FAM120AOS: variants seen among roughly 807,000 people sequenced by gnomAD.
The protein encoded by FAM120AOS is family with sequence similarity 120 member A opposite strand.
Under a neutral mutation model 20.2 loss-of-function variants are expected in FAM120AOS, and 15 were observed. The observed-to-expected ratio is 0.74, with a 90% CI of 0.50 to 1.15. The LOEUF is 1.15. Ranked by LOEUF, FAM120AOS falls within the 50% of genes most tolerant of loss-of-function variation. The probability of loss-of-function intolerance (pLI) is 0.00; values close to 1 mark genes in which losing one functional copy is unlikely to be tolerated. For missense variants in FAM120AOS, 327 were observed against 351.9 expected (o/e 0.93, Z 0.57); for synonymous variants, 154 against 154.0 (o/e 1.00, Z 0.00).
intron 2 of FAM120AOS, 51 bp from the exon 3 acceptor site, chr9:93,447,748 T>C: frequency 1.3e-6 from 2 of 1,510,052 alleles, no homozygotes; most frequent in Non-Finnish European, 9.2e-7. Context: ...GAATATGAAA[T>C]GTATTTTGTC....
At position 93,452,651 on chromosome 9, in the gene FAM120AOS, C is replaced by G; in HGVS notation, c.59G>C (p.Gly20Ala). The stretch of plus-strand genomic sequence containing the variant: ...GACACTTGAGGGCTGGGAGAGAGCC[C>G]CGGACCAGAATTCGGAGGCGACAGT... ...DDTVASEFWS[G>A]ALSQPSSVPT... Residue 20 changes from glycine to alanine, a missense_variant, in exon 1 of 3, where the codon GGG becomes GCG. Around this residue, in one of 3 missense-constraint regions of FAM120AOS, gnomAD observed 155 missense variants for 128.8 expected, o/e 1.20. Transcript: ENST00000375412. This position sits in a 1 kb window ranked among gnomAD's most constrained non-coding sequence, Gnocchi z 7.0. 1 of 1,599,074 alleles carries G rather than the reference C, an allele frequency of 6.3e-7. No homozygotes were observed. Among genetic ancestry groups the G allele is most frequent in the African/African-American group, 1.3e-5 (1 of 75,062 alleles).
At position 93,452,233 on chromosome 9, in the gene FAM120AOS, C is replaced by T. The variant is rs1425937661; in HGVS notation, c.477G>A (p.Ser159=). ...WRSLPCRLTH[S]CSRAFSSAPL... ...GCGCGCTCGAGAAGGCCCGGCTGCA[C>T]GAGTGGGTCAAGCGGCAGGGCAACG... The change falls in exon 1 of 3, where the codon TCG becomes TCA. Residue 159 remains serine (S), a synonymous_variant. Coordinates refer to ENST00000375412, the MANE Select transcript of FAM120AOS (RefSeq NM_198841.4). The surrounding 1 kb of genome is among the most constrained non-coding windows in gnomAD (Gnocchi z 7.0). 1 of 1,610,890 alleles carries T rather than the reference C, an allele frequency of 6.2e-7. No individual in the cohort carries two copies. The highest frequency in any genetic ancestry group is 8.5e-7 in the Non-Finnish European group (1 of 1,179,416).
chr9:93,447,775 G>T, intron 2 of FAM120AOS, 78 bp from the exon 3 acceptor site: 2 of 1,242,278 alleles, frequency 1.6e-6, no homozygotes, highest in Non-Finnish European at 2.3e-6. Flanking sequence ...TCCAGAGTCC[G>T]AATATTGATC....
chr9:93,451,326 A>C (rs1305274566), intron 1 of FAM120AOS: 1 of 1,438,508 alleles, frequency 7.0e-7, no homozygotes, highest in East Asian at 2.5e-5. Context: ...GCTCTTCCCC[A>C]GGACCTGCTT....
At chr9:93,450,752 T>A in intron 1 of FAM120AOS, 153 bp from the exon 2 acceptor site, 1 of 1,243,880 alleles carries the variant, frequency 8.0e-7, no homozygotes, top group South Asian at 1.3e-5. Flanking sequence ...AGTATCAACC[T>A]CATTTTAGAA....
At position 93,452,860 on chromosome 9, in the gene FAM120AOS, G is replaced by C; in HGVS notation, c.-151C>G. ...GGGGGTTTCGCCAGAGCCCTTGGGG[G>C]CTGCAAATATCAGTGCTGCTGCCGC... On this transcript the variant is annotated 5_prime_UTR_variant, in exon 1 of 3. Coordinates refer to ENST00000375412, the MANE Select transcript of FAM120AOS (RefSeq NM_198841.4). This position sits in a 1 kb window ranked among gnomAD's most constrained non-coding sequence, Gnocchi z 7.0. 1 of 1,480,654 alleles carries C rather than the reference G, an allele frequency of 6.8e-7. No individual in the cohort carries two copies. The highest frequency in any genetic ancestry group is 8.9e-7 in the Non-Finnish European group (1 of 1,124,754). The allele number at this position is 1,480,654 out of a possible 1,614,324, so 91.7% of individuals were successfully genotyped here.
chr9:93,453,142 G>T lies in FAM120AOS; in HGVS notation c.-433C>A. The T allele has an allele frequency of 3.0e-6, 3 of 1,004,470 alleles. No individual in the cohort carries two copies. The highest frequency in any genetic ancestry group is 3.6e-6 in the Non-Finnish European group (3 of 842,800). The allele number at this position is 1,004,470 out of a possible 1,614,324, so 62.2% of individuals were successfully genotyped here. ...TCGGTTTTGTAGATCCCATGCGAAAGGAGTCGCTCAAAATCAGGGGGCGAA... is the reference window on the plus strand; with the variant it reads ...TCGGTTTTGTAGATCCCATGCGAAATGAGTCGCTCAAAATCAGGGGGCGAA... On this transcript the variant is annotated 5_prime_UTR_variant, in exon 1 of 3. Coordinates refer to ENST00000375412, the MANE Select transcript of FAM120AOS (RefSeq NM_198841.4).
At chr9:93,451,203 T>C (rs901817433) in intron 1 of FAM120AOS, 5 of 1,532,850 alleles carry the variant, frequency 3.3e-6, no homozygotes, top group Admixed American at 2.0e-5. Context: ...AGGCCCAGAG[T>C]GGTGCGAGCC....
intron 1 of FAM120AOS, 112 bp from the exon 2 acceptor site, chr9:93,450,711 A>G: frequency 6.7e-7 from 1 of 1,493,548 alleles, no homozygotes; most frequent in South Asian, 1.2e-5. Flanking sequence ...TCTCTTTTTG[A>G]AAATGTTTTA....
In FAM120AOS at chr9:93,450,627, G is replaced by A. The variant is rs533083153; in HGVS notation, c.564-28C>T. The A allele has an allele frequency of 2.5e-6, 4 of 1,608,802 alleles. No homozygotes were observed. The South Asian group carries it at 3.3e-5, about 13-fold the overall frequency. On this transcript the variant is annotated intron_variant, in intron 1 of 2. Coordinates refer to ENST00000375412, the MANE Select transcript of FAM120AOS (RefSeq NM_198841.4). ...CCAAAAAAAGAACAAATGGAGAGAT[G>A]AAGGTAAGTAAAAGCGGCACTTTAA...
intron 1 of FAM120AOS, chr9:93,451,699 G>T (rs1857216271): frequency 1.0e-6 from 1 of 978,324 alleles, no homozygotes; most frequent in Non-Finnish European, 1.2e-6. Flanking sequence ...GCCTCGCAGC[G>T]GCGGCAGCGG....
At chr9:93,450,415 A>G in intron 2 of FAM120AOS, 64 bp downstream of exon 2, 2 of 1,512,738 alleles carry the variant, frequency 1.3e-6, no homozygotes, top group South Asian at 2.7e-5. Flanking sequence ...TAATTTATGT[A>G]CGTATGATAC....
chr9:93,451,377 C>G (rs1857175114), intron 1 of FAM120AOS: 2 of 1,405,624 alleles, frequency 1.4e-6, no homozygotes, highest in Non-Finnish European at 1.8e-6. Flanking sequence ...GCGGAGGCGG[C>G]GGCCTCTCTG....
Position 93,447,614 on chromosome 9 carries a change from A to C in FAM120AOS, c.768T>G (p.Ile256Met). 6.2e-7 allele frequency: 1 copy of C among 1,613,674 alleles called. No individual in the cohort carries two copies. The highest frequency in any genetic ancestry group is 1.1e-5 in the South Asian group (1 of 91,040). ...TGCAGAACTTGACCCTAGTTTTTCA[A>C]ATTGGACTCAAGAATGATCTTAGTG... ...PPTLRSFLSP[I>M] Residue 256 changes from isoleucine to methionine, a missense_variant, in exon 3 of 3, where the codon ATT becomes ATG. This residue lies in a region of FAM120AOS where 86 missense variants were observed against 82.9 expected (regional missense o/e 1.04). Transcript: ENST00000375412.
At chr9:93,448,347 A>ATCT (rs1856931773) in intron 2 of FAM120AOS, 1 of 159,890 alleles carries the variant, frequency 6.3e-6, no homozygotes, top group Non-Finnish European at 1.4e-5. Flanking sequence ...TACAAAACTT[A>ATCT]GCCAGGTGTG....
chr9:93,445,809 C>T lies in FAM120AOS; in HGVS notation c.*1802G>A, dbSNP rs530150540. 1.8e-4 allele frequency among the ~76,000 whole-genome samples: 27 copies of T among 152,122 alleles called. No individual in the cohort carries two copies. Among genetic ancestry groups the T allele is most frequent in the African/African-American group, 5.5e-4 (23 of 41,500 alleles). On this transcript the variant is annotated 3_prime_UTR_variant, in exon 3 of 3. Transcript: ENST00000375412. Reference sequence around the variant, plus strand: ...CATCATGTTGCCTCAAGAAAAATAACATCATGGTAATACTAAGTCTTTTAT... The same window carrying T: ...CATCATGTTGCCTCAAGAAAAATAATATCATGGTAATACTAAGTCTTTTAT...
At chr9:93,451,891 C>T in intron 1 of FAM120AOS, 6 of 1,247,392 alleles carry the variant, frequency 4.8e-6, no homozygotes, top group Non-Finnish European at 6.0e-6. Context: ...CCGCCCGCAC[C>T]CGCGCCCGCG....
In FAM120AOS at chr9:93,447,658, T is replaced by C. The variant is rs1856901428; in HGVS notation, c.724A>G (p.Lys242Glu). The stretch of plus-strand genomic sequence containing the variant: ...CTTAGTGTTGGTGGTTTTGTGGTTT[T>C]CTTTGAGACTTTGTTATTGACAGAA... ...SCSVNNKVSK[K>E]TTKPPTLRSF... The change falls in exon 3 of 3, where the codon AAA (lysine) becomes GAA (glutamate). Residue 242 changes from lysine to glutamate, a missense_variant. Lys to Glu is a moderately conservative substitution (Grantham distance 56). Around this residue, in one of 3 missense-constraint regions of FAM120AOS, gnomAD observed 86 missense variants for 82.9 expected, o/e 1.04. Transcript: ENST00000375412. The C allele has an allele frequency of 6.2e-7, 1 of 1,614,034 alleles. No homozygotes were observed. The highest frequency in any genetic ancestry group is 2.2e-5 in the East Asian group (1 of 44,886).
rs745569130 is a variant in FAM120AOS, at chr9:93,453,064, A to G, written c.-355T>C. On this transcript the variant is annotated 5_prime_UTR_variant, in exon 1 of 3. Coordinates refer to ENST00000375412, the MANE Select transcript of FAM120AOS (RefSeq NM_198841.4). Reference sequence around the variant, plus strand: ...GACCCGTGCACTTTGACAGGATGGGATTTTGTCAGTTCTGTGACTTCACGT... The same window carrying G: ...GACCCGTGCACTTTGACAGGATGGGGTTTTGTCAGTTCTGTGACTTCACGT... 3.5e-5 allele frequency: 38 copies of G among 1,096,712 alleles called. No homozygotes were observed. Among genetic ancestry groups the G allele is most frequent in the Non-Finnish European group, 4.2e-5 (38 of 900,016 alleles). The allele number at this position is 1,096,712 out of a possible 1,614,324, so 67.9% of individuals were successfully genotyped here.
Sources: allele counts gnomAD v4.1 joint callset (sites outside exome capture counted in the v4.1 genomes callset), GRCh38; gene constraint gnomAD v4.1.1; regional missense constraint gnomAD v4.1.1; non-coding constraint Gnocchi (gnomAD v3.1); transcripts MANE v1.5; gene names NCBI Gene and HGNC (gene_info 2026-07-23, HGNC 2026-07-21).